CCDC6: variants seen among roughly 807,000 people sequenced by gnomAD.
The protein encoded by CCDC6 is coiled-coil domain-containing protein 6.
In CCDC6, 20 loss-of-function variants were observed where a neutral mutation model predicts 56.6. The observed-to-expected ratio is 0.35, with a 90% CI of 0.25 to 0.51. The LOEUF (loss-of-function observed/expected upper bound fraction) is 0.51. Among genes scored for constraint, CCDC6 ranks in the 20% least tolerant of loss-of-function variants. The pLI is 0.95. For missense variants in CCDC6, 367 were observed against 601.1 expected (o/e 0.61, Z 4.07); for synonymous variants, 241 against 234.4 (o/e 1.03, Z -0.26).
intron 1 of CCDC6, among the ~76,000 whole-genome samples, chr10:59,882,070 CGCGGGG>C (rs2071343168): frequency 2.0e-4 from 5 of 24,392 alleles, no homozygotes; most frequent in African/African-American, 2.0e-3. Flanking sequence ...AAAGGAAAGC[CGCGGGG>C]AGAAGGAAAG....
chr10:59,824,353 T>C (rs1235679271), intron 3 of CCDC6, among the ~76,000 whole-genome samples: 2 of 152,146 alleles, frequency 1.3e-5, no homozygotes, highest in African/African-American at 4.8e-5. Context: ...CTCCTGAAGC[T>C]TCTTTTGAGT....
chr10:59,847,723 T>C (rs1248384780), intron 2 of CCDC6, among the ~76,000 whole-genome samples: 2 of 152,022 alleles, frequency 1.3e-5, no homozygotes, highest in Admixed American at 1.3e-4. Context: ...GTTTCAGAAT[T>C]AGAAGGACTA....
intron 1 of CCDC6, among the ~76,000 whole-genome samples, chr10:59,869,405 A>C (rs1161424866): frequency 4.5e-4 from 43 of 94,860 alleles, no homozygotes; most frequent in African/African-American, 1.8e-3. Flanking sequence ...AAAAAAAAAA[A>C]AAAAAAAAAA....
intron 1 of CCDC6, among the ~76,000 whole-genome samples, chr10:59,858,603 C>A (rs1414084217): frequency 2.0e-5 from 3 of 152,172 alleles, no homozygotes; most frequent in African/African-American, 7.2e-5. Flanking sequence ...TCACTGCCCA[C>A]CCCCATCTGC....
At chr10:59,808,567 T>A (rs2070646225) in intron 5 of CCDC6, among the ~76,000 whole-genome samples, 1 of 152,208 alleles carries the variant, frequency 6.6e-6, no homozygotes, top group Admixed American at 6.5e-5. Flanking sequence ...AAAAGTAAAA[T>A]CTCCATATAC....
intron 3 of CCDC6, among the ~76,000 whole-genome samples, chr10:59,819,681 T>C (rs1263371186): frequency 1.3e-5 from 2 of 152,208 alleles, no homozygotes; most frequent in Admixed American, 6.5e-5. Flanking sequence ...GTGCTGTCAA[T>C]ATGCTGGTCT....
intron 2 of CCDC6, among the ~76,000 whole-genome samples, chr10:59,842,050 T>C (rs1028623421): frequency 1.3e-5 from 2 of 151,798 alleles, no homozygotes; most frequent in African/African-American, 4.8e-5. Flanking sequence ...GTAAACACTT[T>C]ATTTATGTTT....
intron 1 of CCDC6, among the ~76,000 whole-genome samples, chr10:59,869,870 A>G (rs1279084524): frequency 6.6e-6 from 1 of 152,008 alleles, no homozygotes; most frequent in Non-Finnish European, 1.5e-5. Flanking sequence ...CAGCCACTCC[A>G]GCATATCTGT....
chr10:59,890,918 T>C (rs1045787510), intron 1 of CCDC6, among the ~76,000 whole-genome samples: 1 of 152,070 alleles, frequency 6.6e-6, no homozygotes, highest in African/African-American at 2.4e-5. Context: ...TGTGTGGTGT[T>C]CCCTACCCTG....
intron 3 of CCDC6, among the ~76,000 whole-genome samples, chr10:59,815,863 C>A (rs1483447989): frequency 6.6e-6 from 1 of 152,096 alleles, no homozygotes; most frequent in African/African-American, 2.4e-5. Context: ...CCAAAGATCC[C>A]GTGTGTATAC....
At chr10:59,814,623 C>A (rs1564740344) in intron 4 of CCDC6, 29 bp downstream of exon 4, 1 of 1,339,336 alleles carries the variant, frequency 7.5e-7, no homozygotes, top group South Asian at 1.2e-5. Flanking sequence ...CACACACACA[C>A]CCATACTGAA....
At chr10:59,871,468 TA>T (rs138741485) in intron 1 of CCDC6, among the ~76,000 whole-genome samples, 76 of 98,474 alleles carry the variant, frequency 7.7e-4, no homozygotes, top group South Asian at 1.1e-3. Flanking sequence ...TAATACTCAT[TA>T]AAAAAAAAAA....
chr10:59,857,010 T>C (rs756206267), intron 1 of CCDC6, among the ~76,000 whole-genome samples: 5 of 152,242 alleles, frequency 3.3e-5, no homozygotes, highest in African/African-American at 4.8e-5. Flanking sequence ...CAGGTTCTAG[T>C]TGCTATATTT....
chr10:59,891,779 A>G (rs2071423932), intron 1 of CCDC6, among the ~76,000 whole-genome samples: 1 of 152,132 alleles, frequency 6.6e-6, no homozygotes, highest in African/African-American at 2.4e-5. Context: ...TAACTTGTTT[A>G]TTTACAATGC....
rs1389014474 is a variant in CCDC6 at position 59,792,854 on chromosome 10, T to C, written c.*63A>G. ...CAAATATGCCAGAGAAGGAAGCCTT[T>C]GGCGTTGAGTAGACGGCTCCATTGG... On this transcript the variant is annotated 3_prime_UTR_variant, in exon 9 of 9. Coordinates refer to ENST00000263102, the MANE Select transcript of CCDC6 (RefSeq NM_005436.5). The C allele has an allele frequency of 1.3e-6, 2 of 1,509,894 alleles. No homozygotes were observed. The highest frequency in any genetic ancestry group is 2.2e-5 in the South Asian group (2 of 89,022). The allele number at this position is 1,509,894 out of a possible 1,614,324, so 93.5% of individuals were successfully genotyped here.
chr10:59,871,581 T>C (rs2071230511), intron 1 of CCDC6, among the ~76,000 whole-genome samples: 2 of 151,816 alleles, frequency 1.3e-5, no homozygotes, highest in Non-Finnish European at 1.5e-5. Context: ...TTGAACAGTT[T>C]GGTTGGAGAG....
At chr10:59,854,843 T>C (rs2071068086) in intron 1 of CCDC6, among the ~76,000 whole-genome samples, 1 of 152,246 alleles carries the variant, frequency 6.6e-6, no homozygotes. Flanking sequence ...GACAAAGTCC[T>C]ATATGATTTG....
chr10:59,794,733 C>T, intron 7 of CCDC6, 136 bp from the exon 8 acceptor site: 2 of 681,188 alleles, frequency 2.9e-6, no homozygotes, highest in South Asian at 1.9e-5. Context: ...GATGGGCTCA[C>T]TAAATGGTGT....
intron 2 of CCDC6, among the ~76,000 whole-genome samples, chr10:59,841,414 T>C (rs1315588243): frequency 6.6e-6 from 1 of 152,192 alleles, no homozygotes; most frequent in East Asian, 1.9e-4. Flanking sequence ...TTTTGATGCT[T>C]TCATATTTTC....
Sources: gnomAD v4.1 joint callset for allele counts (sites outside exome capture counted in the v4.1 genomes callset) on GRCh38, gnomAD v4.1.1 for gene constraint, MANE v1.5 for transcripts, NCBI Gene and HGNC (gene_info 2026-07-23, HGNC 2026-07-21) for gene names.